Variants in CHLSN observed in about 807,000 individuals in gnomAD.
CHLSN encodes the protein protein cholesin.
At chr7:1,007,046 C>T in the CHLSN span, among the ~76,000 whole-genome samples, 3 of 152,208 alleles carry the variant, frequency 2.0e-5, no homozygotes, top group African/African-American at 4.8e-5. Context: ...ACCCCACGGG[C>T]GCTGGGTCGA....
chr7:1,133,595 A>T, the CHLSN span, among the ~76,000 whole-genome samples: 1 of 117,650 alleles, frequency 8.5e-6, no homozygotes, highest in Non-Finnish European at 1.6e-5. Flanking sequence ...CTAAAAATAC[A>T]AAAAAAAAAT....
the CHLSN span, among the ~76,000 whole-genome samples, chr7:1,019,805 G>T: frequency 9.2e-5 from 14 of 152,354 alleles, no homozygotes; most frequent in African/African-American, 3.1e-4. Flanking sequence ...AGTGTGGGGG[G>T]CTGGGGCTGC....
At chr7:1,042,636 G>A in the CHLSN span, among the ~76,000 whole-genome samples, 11 of 152,298 alleles carry the variant, frequency 7.2e-5, no homozygotes, top group East Asian at 3.9e-4. Context: ...CAGATAAGGC[G>A]GTCTGCAGTG....
At chr7:1,066,840 G>A in the CHLSN span, among the ~76,000 whole-genome samples, 1 of 151,200 alleles carries the variant, frequency 6.6e-6, no homozygotes, top group Non-Finnish European at 1.5e-5. Context: ...AGGGTTTGGG[G>A]CACAGTCTGT....
chr7:1,035,096 C>G, the CHLSN span, among the ~76,000 whole-genome samples: 1 of 152,128 alleles, frequency 6.6e-6, no homozygotes, highest in African/African-American at 2.4e-5. Flanking sequence ...CAGTGCTGGG[C>G]TGGTGTCATG....
the CHLSN span, among the ~76,000 whole-genome samples, chr7:1,090,229 C>G: frequency 6.6e-6 from 1 of 152,250 alleles, no homozygotes; most frequent in African/African-American, 2.4e-5. Flanking sequence ...GGGCACCTGT[C>G]CTAGGCACTG....
At chr7:1,077,576 A>G in the CHLSN span, among the ~76,000 whole-genome samples, 1 of 152,262 alleles carries the variant, frequency 6.6e-6, no homozygotes, top group Non-Finnish European at 1.5e-5. Flanking sequence ...CTGAACGTGC[A>G]AGCCCTCAGG....
the CHLSN span, among the ~76,000 whole-genome samples, chr7:993,752 G>C: frequency 6.6e-6 from 1 of 152,210 alleles, no homozygotes; most frequent in Non-Finnish European, 1.5e-5. Flanking sequence ...ACTCCAGCCT[G>C]GACGACAGAG....
the CHLSN span, among the ~76,000 whole-genome samples, chr7:1,003,250 T>C: frequency 1.7e-3 from 49 of 29,304 alleles, no homozygotes; most frequent in South Asian, 4.6e-3. Flanking sequence ...GGGAGTCCTG[T>C]GGGTGAGTGG....
the CHLSN span, among the ~76,000 whole-genome samples, chr7:1,016,470 TAGCAGCAC>T: frequency 3.6e-5 from 1 of 28,144 alleles, no homozygotes; most frequent in East Asian, 8.7e-4. Context: ...CGCCAGCACA[TAGCAGCAC>T]AGCAGCACAC....
At chr7:1,092,874 G>C in the CHLSN span, 1 of 1,606,236 alleles carries the variant, frequency 6.2e-7, no homozygotes, top group Non-Finnish European at 8.5e-7. Flanking sequence ...TGGCCGCATA[G>C]GCCCAGCCAG....
At chr7:1,107,669 G>C in the CHLSN span, among the ~76,000 whole-genome samples, 2 of 152,250 alleles carry the variant, frequency 1.3e-5, no homozygotes, top group African/African-American at 2.4e-5. Context: ...CTGTACCACC[G>C]TGACGTACAG....
At chr7:1,002,747 G>A in the CHLSN span, among the ~76,000 whole-genome samples, 1 of 109,136 alleles carries the variant, frequency 9.2e-6, no homozygotes, top group Non-Finnish European at 1.9e-5. Flanking sequence ...CTGTGGGTGG[G>A]GAGTCCTGTG....
chr7:1,057,787 G>T, the CHLSN span: 1 of 775,994 alleles, frequency 1.3e-6, no homozygotes. Flanking sequence ...CCGAGCTCCC[G>T]GTGGGCGCTG....
At chr7:1,073,146 C>G in the CHLSN span, among the ~76,000 whole-genome samples, 2 of 152,214 alleles carry the variant, frequency 1.3e-5, no homozygotes, top group African/African-American at 4.8e-5. Context: ...AAAACCAGGA[C>G]TGGCAGCAGG....
the CHLSN span, among the ~76,000 whole-genome samples, chr7:1,041,773 C>G: frequency 1.3e-5 from 2 of 152,082 alleles, no homozygotes; most frequent in African/African-American, 4.8e-5. Context: ...CCGAGGGGAA[C>G]GCCAGCCAGC....
the CHLSN span, among the ~76,000 whole-genome samples, chr7:1,090,599 C>T: frequency 5.4e-5 from 8 of 147,798 alleles, no homozygotes; most frequent in Non-Finnish European, 8.9e-5. Flanking sequence ...TCTCCACTGG[C>T]GGCAGAGCCA....
chr7:1,038,740 G>A, the CHLSN span, among the ~76,000 whole-genome samples: 39 of 81,110 alleles, frequency 4.8e-4, no homozygotes, highest in African/African-American at 9.1e-4. Flanking sequence ...CAGCCGCCCC[G>A]TCTGGGAGGT....
At chr7:1,092,298 G>A in the CHLSN span, 1 of 1,611,868 alleles carries the variant, frequency 6.2e-7, no homozygotes. Flanking sequence ...CAGCCACGCT[G>A]GTGCCCTTCA....
Sources: gnomAD v4.1 joint callset for allele counts (sites outside exome capture counted in the v4.1 genomes callset) on GRCh38, gnomAD v4.1.1 for gene constraint, MANE v1.5 for transcripts, NCBI Gene and HGNC (gene_info 2026-07-23, HGNC 2026-07-21) for gene names.